The following SPSB4 variants were observed in gnomAD, a reference collection of about 807,000 sequenced individuals.
SPSB4 encodes SPRY domain-containing SOCS box protein 4.
A neutral mutation model predicts 20.9 loss-of-function variants in SPSB4; 21 were observed. The observed-to-expected ratio is 1.01, with a 90% CI of 0.71 to 1.45. The LOEUF (loss-of-function observed/expected upper bound fraction) is 1.45, where lower values mean the gene tolerates loss of function less well. Among genes scored for constraint, SPSB4 ranks in the 40% most tolerant of loss-of-function variants. The pLI is 0.00. For synonymous variants in SPSB4, 207 were observed against 183.8 expected (o/e 1.13, Z -1.02); for missense variants, 399 against 399.2 (o/e 1.00, Z 0.00).
Position 141,053,037 on chromosome 3 carries a change from G to T in SPSB4, c.-154+1045G>T, listed in dbSNP as rs138620175. ...GTTCTCAGTTCTGGAGTCAGGCTTG[G>T]GTTCGAATCTGTCTCCACCACCAGC... On this transcript the variant is annotated intron_variant, in intron 1 of 2. Transcript: ENST00000310546. Among the ~76,000 whole-genome samples, 592 of 152,274 alleles carry T rather than the reference G, an allele frequency of 3.9e-3. 6 individuals are homozygous for T. The highest frequency in any genetic ancestry group is 0.014 in the African/African-American group (567 of 41,554).
chr3:141,120,523 CCATT>C (rs557407553), intron 2 of SPSB4, among the ~76,000 whole-genome samples: 3,542 of 152,120 alleles, frequency 0.023, 123 homozygotes, highest in African/African-American at 0.082. Flanking sequence ...TTAAAGTCTC[CCATT>C]ATTATTGTGT....
intron 2 of SPSB4, among the ~76,000 whole-genome samples, chr3:141,091,456 T>C (rs1938448142): frequency 6.6e-6 from 1 of 152,254 alleles, no homozygotes; most frequent in Admixed American, 6.5e-5. Flanking sequence ...GCTGTCTACT[T>C]ATAAGTGCTT....
chr3:141,101,726 A>G (rs1230933826), intron 2 of SPSB4, among the ~76,000 whole-genome samples: 2 of 152,144 alleles, frequency 1.3e-5, no homozygotes, highest in African/African-American at 4.8e-5. Context: ...ATTCTTTCCC[A>G]CGTATTAATG....
intron 2 of SPSB4, among the ~76,000 whole-genome samples, chr3:141,075,032 C>T (rs571231618): frequency 1.9e-4 from 29 of 152,060 alleles, no homozygotes; most frequent in South Asian, 1.7e-3. Context: ...AGGTTACCTG[C>T]CAGGTAGTGG....
chr3:141,139,337 T>G (rs1939282893), intron 2 of SPSB4, among the ~76,000 whole-genome samples: 1 of 152,122 alleles, frequency 6.6e-6, no homozygotes, highest in Non-Finnish European at 1.5e-5. Flanking sequence ...CCATTTACAT[T>G]TAAGATTAGT....
intron 2 of SPSB4, among the ~76,000 whole-genome samples, chr3:141,140,927 G>A (rs1156267513): frequency 6.6e-6 from 1 of 152,256 alleles, no homozygotes; most frequent in African/African-American, 2.4e-5. Context: ...TGCCCCCAGA[G>A]GTGGAGCCTC....
At chr3:141,123,937 T>G (rs890828326) in intron 2 of SPSB4, 1 of 152,268 alleles carries the variant, frequency 6.6e-6, no homozygotes. Flanking sequence ...CTGGGACAAT[T>G]TTAAGCTGAG....
intron 2 of SPSB4, among the ~76,000 whole-genome samples, chr3:141,101,894 A>G (rs1025052239): frequency 6.6e-6 from 1 of 152,204 alleles, no homozygotes; most frequent in African/African-American, 2.4e-5. Context: ...TCCCTGAAGC[A>G]TTTAGAGAGA....
intron 2 of SPSB4, among the ~76,000 whole-genome samples, chr3:141,101,910 G>A (rs1002718503): frequency 7.2e-5 from 11 of 152,226 alleles, no homozygotes; most frequent in African/African-American, 2.4e-4. Flanking sequence ...AGAGATGCTT[G>A]TAAAGTCATC....
At chr3:141,058,193 C>G (rs1340474541) in intron 1 of SPSB4, among the ~76,000 whole-genome samples, 2 of 151,860 alleles carry the variant, frequency 1.3e-5, no homozygotes, top group African/African-American at 4.8e-5. Flanking sequence ...GATTTTGGGT[C>G]CCAGGCCTCT....
At chr3:141,123,463 T>C (rs1939002306) in intron 2 of SPSB4, among the ~76,000 whole-genome samples, 1 of 152,250 alleles carries the variant, frequency 6.6e-6, no homozygotes, top group Non-Finnish European at 1.5e-5. Context: ...TTCTGCAACT[T>C]CCTAAATTAC....
At chr3:141,108,296 T>C (rs1273358163) in intron 2 of SPSB4, among the ~76,000 whole-genome samples, 1 of 152,096 alleles carries the variant, frequency 6.6e-6, no homozygotes, top group East Asian at 1.9e-4. Flanking sequence ...ACAAAATCAA[T>C]TACTGCAGTG....
intron 2 of SPSB4, among the ~76,000 whole-genome samples, chr3:141,143,063 A>G (rs994152997): frequency 1.1e-4 from 17 of 151,788 alleles, no homozygotes; most frequent in African/African-American, 2.2e-4. Context: ...TGATCTGCCC[A>G]CCTTGGCCAC....
At chr3:141,059,354 G>A (rs1284731949) in intron 1 of SPSB4, among the ~76,000 whole-genome samples, 1 of 152,138 alleles carries the variant, frequency 6.6e-6, no homozygotes, top group Admixed American at 6.5e-5. Flanking sequence ...AAGAAGTTTA[G>A]TTGGCTCACG....
rs141171888 is a variant in SPSB4, at chr3:141,112,003, C to A, written c.695-35139C>A. Among the ~76,000 whole-genome samples, 936 of 152,254 alleles carry A rather than the reference C, an allele frequency of 6.1e-3. 10 individuals are homozygous for A. Among genetic ancestry groups the A allele is most frequent in the African/African-American group, 0.021 (890 of 41,556 alleles). On this transcript the variant is annotated intron_variant, in intron 2 of 2. Coordinates refer to ENST00000310546, the MANE Select transcript of SPSB4 (RefSeq NM_080862.3). ...GGAGTTCTGCATAAATTTCATTTGGCAAAGGGTTCTGCTGTTTGGAGAAAA... is the reference window on the plus strand; with the variant it reads ...GGAGTTCTGCATAAATTTCATTTGGAAAAGGGTTCTGCTGTTTGGAGAAAA...
chr3:141,145,765 A>G (rs1438199422), intron 2 of SPSB4, among the ~76,000 whole-genome samples: 1 of 152,080 alleles, frequency 6.6e-6, no homozygotes, highest in East Asian at 1.9e-4. Flanking sequence ...CACCATCATC[A>G]TCTTCCTTCC....
intron 2 of SPSB4, among the ~76,000 whole-genome samples, chr3:141,079,595 G>C (rs759884826): frequency 6.6e-6 from 1 of 152,206 alleles, no homozygotes; most frequent in East Asian, 1.9e-4. Flanking sequence ...TTTATGAAGG[G>C]CCTGTGGTGT....
rs532659951 is a variant in SPSB4 at position 141,112,128 on chromosome 3, AC to A, written c.695-35013del. 2.9e-4 allele frequency among the ~76,000 whole-genome samples: 44 copies of A among 152,320 alleles called. No individual in the cohort carries two copies. The South Asian group carries it at 9.1e-3, about 32-fold the overall frequency. ...GACTGTGGTGGGATCCCCACTGATCACTCACTGGCTCCAAGATGCCCTTAGG... is the reference window on the plus strand; with the variant it reads ...GACTGTGGTGGGATCCCCACTGATCATCACTGGCTCCAAGATGCCCTTAGG... On this transcript the variant is annotated intron_variant, in intron 2 of 2. Coordinates refer to ENST00000310546, the MANE Select transcript of SPSB4 (RefSeq NM_080862.3).
At chr3:141,112,017 G>A (rs569339366) in intron 2 of SPSB4, among the ~76,000 whole-genome samples, 12 of 152,198 alleles carry the variant, frequency 7.9e-5, no homozygotes, top group Admixed American at 7.9e-4. Context: ...GGGTTCTGCT[G>A]TTTGGAGAAA....
Sources: gnomAD v4.1 joint callset for allele counts (sites outside exome capture counted in the v4.1 genomes callset) on GRCh38, gnomAD v4.1.1 for gene constraint, MANE v1.5 for transcripts, NCBI Gene and HGNC (gene_info 2026-07-23, HGNC 2026-07-21) for gene names.